PCNX2: variants seen among roughly 807,000 people sequenced by gnomAD.
The protein encoded by PCNX2 is pecanex 2.
Under a neutral mutation model 223.8 loss-of-function variants are expected in PCNX2, and 168 were observed. The ratio of observed to expected loss-of-function variants is 0.75; its 90% CI spans 0.66 to 0.85. The LOEUF (loss-of-function observed/expected upper bound fraction) is 0.85. PCNX2 is among the 40% of genes least tolerant of loss of function. The pLI, the probability that PCNX2 is intolerant of heterozygous loss-of-function variation, is 0.00. For synonymous variants in PCNX2, 1,006 were observed against 1,052.6 expected (o/e 0.96, Z 0.86); for missense variants, 2,507 against 2,675.5 (o/e 0.94, Z 1.39).
In PCNX2 at chr1:233,081,089, C is replaced by T. The variant is rs181359362; in HGVS notation, c.4076+8972G>A. ...CTGGGCCGGGTGTGGTGGCTCATGC[C>T]TGTAATTCCAGCACTTTTGGAGGCC... is the stretch of plus-strand genomic sequence containing the variant. On this transcript the variant is annotated intron_variant, in intron 23 of 33. Coordinates refer to ENST00000258229, the MANE Select transcript of PCNX2 (RefSeq NM_014801.4). Among the ~76,000 whole-genome samples the T allele has an allele frequency of 2.2e-4, 33 of 152,302 alleles. 1 individual carries two copies. Among genetic ancestry groups the T allele is most frequent in the Admixed American group, 1.5e-3 (23 of 15,298 alleles).
chr1:233,202,562 G>A (rs144570207), intron 13 of PCNX2, among the ~76,000 whole-genome samples: 104 of 152,234 alleles, frequency 6.8e-4, no homozygotes, highest in Non-Finnish European at 1.2e-3. Context: ...TCTTCAATGT[G>A]CCCTATCTGT....
intron 10 of PCNX2, among the ~76,000 whole-genome samples, chr1:233,222,664 T>C (rs1198511450): frequency 1.3e-5 from 2 of 152,054 alleles, no homozygotes; most frequent in African/African-American, 2.4e-5. Flanking sequence ...AAAGATGCAA[T>C]AGATACACGT....
At chr1:233,023,217 C>T (rs1212344425) in intron 26 of PCNX2, among the ~76,000 whole-genome samples, 2 of 152,208 alleles carry the variant, frequency 1.3e-5, no homozygotes, top group South Asian at 2.1e-4. Flanking sequence ...GGACACTCTC[C>T]TTGTTGAGGG....
chr1:233,066,726 T>A (rs1672625842), intron 23 of PCNX2, among the ~76,000 whole-genome samples: 1 of 152,172 alleles, frequency 6.6e-6, no homozygotes, highest in South Asian at 2.1e-4. Flanking sequence ...TGAAGTGGCC[T>A]CCCAAAGAAT....
chr1:233,222,953 T>C (rs1657477790), intron 10 of PCNX2, among the ~76,000 whole-genome samples: 1 of 152,130 alleles, frequency 6.6e-6, no homozygotes, highest in Non-Finnish European at 1.5e-5. Flanking sequence ...GTTGGTGATA[T>C]AAATCCGAGT....
At chr1:233,138,598 A>G (rs1270527690) in intron 20 of PCNX2, among the ~76,000 whole-genome samples, 1 of 152,226 alleles carries the variant, frequency 6.6e-6, no homozygotes, top group South Asian at 2.1e-4. Context: ...AATTCTGGTC[A>G]TCTCCTAGAT....
intron 1 of PCNX2, among the ~76,000 whole-genome samples, chr1:233,280,556 C>T (rs541180675): frequency 1.7e-4 from 26 of 152,136 alleles, no homozygotes; most frequent in Non-Finnish European, 3.4e-4. Flanking sequence ...CCTAGGCCTC[C>T]CAAAGTGTTG....
chr1:233,168,684 T>A (rs983234761), intron 17 of PCNX2, among the ~76,000 whole-genome samples: 24 of 151,662 alleles, frequency 1.6e-4, no homozygotes, highest in Middle Eastern at 3.2e-3. Context: ...ATATACTAAT[T>A]TTTTTTCATA....
In PCNX2 at chr1:233,135,051, A is replaced by G. The variant is rs1377964281; in HGVS notation, c.3799T>C (p.Leu1267=). Residue 1267 remains leucine (L), a synonymous_variant, in exon 21 of 34, where the codon TTA becomes CTA. Coordinates refer to ENST00000258229, the MANE Select transcript of PCNX2 (RefSeq NM_014801.4). ...FDYKDISESF[L]LDFFMVSILF... is the part of the protein sequence containing the mutation. Reference sequence around the variant, plus strand: ...ATGGACACCATGAAGAAATCCAGTAAGAAGCTCTCTGAAATATCTTTGTAG... The same window carrying G: ...ATGGACACCATGAAGAAATCCAGTAGGAAGCTCTCTGAAATATCTTTGTAG... The G allele has an allele frequency of 6.2e-7, 1 of 1,611,888 alleles. No homozygotes were observed.
chr1:233,159,240 C>G (rs184375370), intron 19 of PCNX2, among the ~76,000 whole-genome samples: 2 of 152,120 alleles, frequency 1.3e-5, no homozygotes, highest in Admixed American at 6.6e-5. Context: ...CTAACTAAGG[C>G]GGCTCCTTGT....
intron 27 of PCNX2, among the ~76,000 whole-genome samples, chr1:233,015,713 AAATAT>A (rs1419352599): frequency 6.6e-6 from 1 of 152,008 alleles, no homozygotes; most frequent in Non-Finnish European, 1.5e-5. Flanking sequence ...AAAAATAAAA[AAATAT>A]AATAAATTAG....
rs779764536 is a variant in PCNX2, at chr1:233,025,292, T to C, written c.4459A>G (p.Asn1487Asp). 6.2e-7 allele frequency: 1 copy of C among 1,614,014 alleles called. No individual in the cohort carries two copies. Among genetic ancestry groups the C allele is most frequent in the South Asian group, 1.1e-5 (1 of 91,086 alleles). ...PGHLPHLLSC[N>D]AAFHLRWLTW... ...AGCCAGCGGAGGTGAAAGGCAGCGT[T>C]GCAGGACAGCAGGTGAGGCAAGTGG... The change falls in exon 26 of 34, where the codon AAC becomes GAC. Residue 1487 changes from asparagine to aspartate, a missense_variant. This residue lies in a region of PCNX2 where 1,372 missense variants were observed against 1,509.4 expected (regional missense o/e 0.91). Coordinates refer to ENST00000258229, the MANE Select transcript of PCNX2 (RefSeq NM_014801.4).
chr1:233,161,162 T>G (rs2296516), intron 18 of PCNX2, 109 bp downstream of exon 18: 632,126 of 1,006,234 alleles, frequency 0.63, 200,290 homozygotes, highest in South Asian at 0.67. Flanking sequence ...GGGCATTTTG[T>G]TTTCTTTCTC....
In PCNX2 at chr1:233,228,950, A is replaced by T. The variant is rs76785623; in HGVS notation, c.2359-1579T>A. ...AAATATAAGACACAGGAGATTAAAA[A>T]GAAGGGCAAAGACAAGAAAGGGATG... On this transcript the variant is annotated intron_variant, in intron 9 of 33. Coordinates refer to ENST00000258229, the MANE Select transcript of PCNX2 (RefSeq NM_014801.4). Among the ~76,000 whole-genome samples the T allele has an allele frequency of 6.3e-3, 955 of 152,358 alleles. 12 individuals are homozygous for T. Among genetic ancestry groups the T allele is most frequent in the African/African-American group, 0.022 (898 of 41,570 alleles).
intron 17 of PCNX2, among the ~76,000 whole-genome samples, chr1:233,164,888 AAGGGGGAGG>A (rs912055959): frequency 3.9e-5 from 6 of 152,096 alleles, no homozygotes; most frequent in African/African-American, 1.4e-4. Context: ...GGGGAGAAGG[AAGGGGGAGG>A]AGAGATTGTT....
At chr1:233,177,139 C>A (rs574749898) in intron 17 of PCNX2, among the ~76,000 whole-genome samples, 2 of 152,326 alleles carry the variant, frequency 1.3e-5, no homozygotes, top group South Asian at 4.1e-4. Flanking sequence ...TATTCAAAGA[C>A]CTGTGCTAAC....
rs1305778907 is a variant in PCNX2, at chr1:233,106,480, G to T, written c.3838-10617C>A. Among the ~76,000 whole-genome samples the T allele has an allele frequency of 2.0e-5, 3 of 151,476 alleles. No individual in the cohort carries two copies. In the East Asian group the frequency reaches 5.9e-4, roughly 30 times the overall value. On this transcript the variant is annotated intron_variant, in intron 21 of 33. Coordinates refer to ENST00000258229, the MANE Select transcript of PCNX2 (RefSeq NM_014801.4). ...CGATTCTCCTGCCTCAGCCTCTCGA[G>T]TAGCTGTGACTGCAGGCACGTGCCA...
At chr1:233,049,862 GACACACACAC>G (rs59343612) in intron 25 of PCNX2, among the ~76,000 whole-genome samples, 1 of 149,192 alleles carries the variant, frequency 6.7e-6, no homozygotes, top group African/African-American at 2.4e-5. Context: ...ATTTACAATA[GACACACACAC>G]ACACACACAC....
intron 23 of PCNX2, among the ~76,000 whole-genome samples, chr1:233,069,882 C>T (rs1043157312): frequency 6.6e-6 from 1 of 151,676 alleles, no homozygotes; most frequent in Non-Finnish European, 1.5e-5. Flanking sequence ...AAATAAAGAG[C>T]AAAAATCAGT....
Sources: gnomAD v4.1 joint callset for allele counts (sites outside exome capture counted in the v4.1 genomes callset) on GRCh38, gnomAD v4.1.1 for gene constraint, gnomAD v4.1.1 regional missense constraint, MANE v1.5 for transcripts, NCBI Gene and HGNC (gene_info 2026-07-23, HGNC 2026-07-21) for gene names.